The following RLN2 variants were observed in gnomAD, a reference collection of about 807,000 sequenced individuals.
The protein encoded by RLN2 is relaxin 2, also known as prorelaxin H2.
In RLN2, 10 loss-of-function variants were observed where a neutral mutation model predicts 7.3. The ratio of observed to expected loss-of-function variants is 1.36; its 90% CI spans 0.84 to 2.31. The LOEUF (loss-of-function observed/expected upper bound fraction) is 2.31. RLN2 is among the 30% of genes most tolerant of loss of function. RLN2 has a pLI of 0.00. For synonymous variants in RLN2, 103 were observed against 82.3 expected (o/e 1.25, Z -1.36); for missense variants, 298 against 217.6 (o/e 1.37, Z -2.32).
chr9:5,327,950 TAGGG>T, the RLN2 span, among the ~76,000 whole-genome samples: 1 of 151,974 alleles, frequency 6.6e-6, no homozygotes, highest in East Asian at 1.9e-4. Context: ...ACCGCAAAGA[TAGGG>T]AGAAACCAGA....
upstream of RLN2, among the ~76,000 whole-genome samples, chr9:5,308,795 C>T (rs907445113): frequency 6.6e-6 from 1 of 152,102 alleles, no homozygotes; most frequent in African/African-American, 2.4e-5. Flanking sequence ...GAGAGCCAGA[C>T]ACAGTTCCTG....
At chr9:5,305,398 C>CAG (rs1307679893), upstream of RLN2, among the ~76,000 whole-genome samples, 13 of 138,282 alleles carry the variant, frequency 9.4e-5, no homozygotes, top group African/African-American at 2.5e-4. Flanking sequence ...CACACACACA[C>CAG]ACACAGAGAG....
the RLN2 span, among the ~76,000 whole-genome samples, chr9:5,330,859 A>C: frequency 6.6e-6 from 1 of 151,740 alleles, no homozygotes; most frequent in African/African-American, 2.4e-5. Flanking sequence ...AGCAACACTA[A>C]TTAAGAAGAA....
chr9:5,307,208 A>C (rs182910508), upstream of RLN2, among the ~76,000 whole-genome samples: 2 of 151,756 alleles, frequency 1.3e-5, no homozygotes, highest in Admixed American at 1.3e-4. Flanking sequence ...TCTGTTATTT[A>C]CTCTATCCTG....
At chr9:5,317,995 T>TGTGTGTTTGTGC in the RLN2 span, among the ~76,000 whole-genome samples, 1 of 117,492 alleles carries the variant, frequency 8.5e-6, no homozygotes, top group African/African-American at 3.5e-5. Context: ...AACAAAACTA[T>TGTGTGTTTGTGC]GTGTGTGTGT....
the RLN2 span, among the ~76,000 whole-genome samples, chr9:5,328,476 G>C: frequency 3.3e-5 from 5 of 152,008 alleles, no homozygotes; most frequent in African/African-American, 9.7e-5. Flanking sequence ...AACCAAGTTA[G>C]AAAACACTCT....
At chr9:5,306,109 GTTTTTTTT>G (rs199949652), upstream of RLN2, among the ~76,000 whole-genome samples, 1 of 131,510 alleles carries the variant, frequency 7.6e-6, no homozygotes, top group Admixed American at 7.6e-5. Flanking sequence ...TTTGTTTTTT[GTTTTTTTT>G]TTTTTTTTTT....
the RLN2 span, chr9:5,335,640 G>C: frequency 5.1e-6 from 6 of 1,180,904 alleles, no homozygotes; most frequent in Admixed American, 1.3e-4. Context: ...GCGTATTCAC[G>C]TCAAAGAGCA....
chr9:5,317,569 C>T, the RLN2 span, among the ~76,000 whole-genome samples: 20 of 149,754 alleles, frequency 1.3e-4, no homozygotes, highest in Middle Eastern at 3.4e-3. Flanking sequence ...GGTATTAGTA[C>T]GAGAAAAAAA....
chr9:5,309,125 T>C (rs889861125), upstream of RLN2, among the ~76,000 whole-genome samples: 1 of 152,086 alleles, frequency 6.6e-6, no homozygotes, highest in Non-Finnish European at 1.5e-5. Context: ...TCCAACAGGG[T>C]GAATAGGAGG....
At chr9:5,307,271 G>T (rs960329969), upstream of RLN2, among the ~76,000 whole-genome samples, 1 of 143,488 alleles carries the variant, frequency 7.0e-6, no homozygotes, top group African/African-American at 2.5e-5. Context: ...GATAGATAGA[G>T]GATAGATAGA....
At chr9:5,332,636 A>G in the RLN2 span, among the ~76,000 whole-genome samples, 2 of 147,924 alleles carry the variant, frequency 1.4e-5, 1 homozygote, top group Non-Finnish European at 3.0e-5. Flanking sequence ...TTTTTTTTTA[A>G]TGTGATACAG....
At chr9:5,301,173 T>C (rs1816119238) in intron 1 of RLN2, among the ~76,000 whole-genome samples, 1 of 152,212 alleles carries the variant, frequency 6.6e-6, no homozygotes, top group Non-Finnish European at 1.5e-5. Context: ...TGTTTTCTGT[T>C]TGATATTTGT....
At chr9:5,306,725 G>A (rs1184271545), upstream of RLN2, among the ~76,000 whole-genome samples, 1 of 151,958 alleles carries the variant, frequency 6.6e-6, no homozygotes. Context: ...GGATTCCAAC[G>A]CCCCCTTTCC....
chr9:5,317,492 C>G, the RLN2 span, among the ~76,000 whole-genome samples: 1 of 149,462 alleles, frequency 6.7e-6, no homozygotes, highest in Non-Finnish European at 1.5e-5. Context: ...GAACGAAGAG[C>G]TCTGAGGGAG....
chr9:5,312,138 T>C, the RLN2 span, among the ~76,000 whole-genome samples: 1 of 152,018 alleles, frequency 6.6e-6, no homozygotes, highest in Non-Finnish European at 1.5e-5. Flanking sequence ...CCTTCTAGTT[T>C]TGAGAGACTT....
chr9:5,336,468 C>G, the RLN2 span, among the ~76,000 whole-genome samples: 4 of 151,992 alleles, frequency 2.6e-5, no homozygotes, highest in African/African-American at 9.7e-5. Context: ...GCTGGACACC[C>G]AGCTGACATC....
the RLN2 span, among the ~76,000 whole-genome samples, chr9:5,332,080 C>A: frequency 6.6e-6 from 1 of 151,692 alleles, no homozygotes; most frequent in Admixed American, 6.6e-5. Context: ...TTAGTGTATA[C>A]TCATATATTG....
chr9:5,328,767 A>G, the RLN2 span, among the ~76,000 whole-genome samples: 44 of 61,132 alleles, frequency 7.2e-4, 1 homozygote, highest in African/African-American at 7.3e-3. Context: ...CAACATTCTT[A>G]AAGAAAGAAT....
Sources: gnomAD v4.1 joint callset for allele counts (sites outside exome capture counted in the v4.1 genomes callset) on GRCh38, gnomAD v4.1.1 for gene constraint, MANE v1.5 for transcripts, NCBI Gene and HGNC (gene_info 2026-07-23, HGNC 2026-07-21) for gene names.